The following PRH1 variants were observed in gnomAD, a reference collection of about 807,000 sequenced individuals.
The protein encoded by PRH1 is salivary acidic proline-rich phosphoprotein 1/2.
In PRH1, 7 loss-of-function variants were observed where a neutral mutation model predicts 7.9. The ratio of observed to expected loss-of-function variants is 0.89; its 90% confidence interval spans 0.50 to 1.67. The LOEUF (loss-of-function observed/expected upper bound fraction) is 1.67, where lower values mean the gene tolerates loss of function less well. Among genes scored for constraint, PRH1 ranks in the 40% most tolerant of loss-of-function variants. The pLI is 0.00. For missense variants in PRH1, 109 were observed against 223.6 expected, an observed-to-expected ratio of 0.49 and a Z score of 3.27; for synonymous variants, 45 against 80.8, an observed-to-expected ratio of 0.56 and a Z score of 2.38.
intron 1 of PRH1, among the ~76,000 whole-genome samples, chr12:11,148,493 G>A (rs866782928): frequency 8.0e-4 from 116 of 144,732 alleles, no homozygotes; most frequent in Non-Finnish European, 1.3e-3. Flanking sequence ...AGTTTTTAGC[G>A]TGAAGGTTGT....
intron 1 of PRH1, among the ~76,000 whole-genome samples, chr12:11,011,207 C>G (rs570066017): frequency 1.3e-5 from 2 of 152,136 alleles, no homozygotes; most frequent in South Asian, 4.1e-4. Flanking sequence ...CGTATTATCA[C>G]TGGACAAGAT....
At chr12:11,113,804 C>T (rs984928076) in intron 1 of PRH1, among the ~76,000 whole-genome samples, 2 of 151,564 alleles carry the variant, frequency 1.3e-5, no homozygotes, top group Non-Finnish European at 3.0e-5. Flanking sequence ...AAAATTTTTG[C>T]AATCTATTAA....
chr12:10,957,421 G>T (rs1565498914), intron 2 of PRH1, among the ~76,000 whole-genome samples: 2 of 152,062 alleles, frequency 1.3e-5, no homozygotes, highest in South Asian at 4.1e-4. Flanking sequence ...TGCAAGCTGG[G>T]TTAAATAATA....
chr12:11,070,753 T>C (rs1448431319), intron 1 of PRH1, among the ~76,000 whole-genome samples: 1 of 151,600 alleles, frequency 6.6e-6, no homozygotes, highest in Non-Finnish European at 1.5e-5. Context: ...ACACTAATTA[T>C]CTAGGTACCC....
chr12:11,040,583 A>T (rs1405929866), intron 1 of PRH1, among the ~76,000 whole-genome samples: 1 of 152,174 alleles, frequency 6.6e-6, no homozygotes, highest in Non-Finnish European at 1.5e-5. Flanking sequence ...GGAGCTAGGG[A>T]TAGCATTAGG....
intron 1 of PRH1, among the ~76,000 whole-genome samples, chr12:11,041,052 T>G (rs1179875439): frequency 6.6e-6 from 1 of 151,630 alleles, no homozygotes; most frequent in Admixed American, 6.6e-5. Context: ...AATAGCAGAC[T>G]ACAACATAAC....
chr12:10,981,575 A>T (rs1440658286), intron 1 of PRH1, among the ~76,000 whole-genome samples: 1 of 151,990 alleles, frequency 6.6e-6, no homozygotes, highest in Non-Finnish European at 1.5e-5. Flanking sequence ...GGGTTTCACC[A>T]TGTTGGCCAG....
At chr12:11,018,474 T>C (rs6488339) in intron 1 of PRH1, among the ~76,000 whole-genome samples, 149,390 of 152,286 alleles carry the variant, frequency 0.98, 73,323 homozygotes, top group Middle Eastern at 1. Flanking sequence ...TTGCCTGATC[T>C]AGATCATCCT....
At chr12:11,068,694 T>A (rs1389067429) in intron 1 of PRH1, among the ~76,000 whole-genome samples, 1 of 152,224 alleles carries the variant, frequency 6.6e-6, no homozygotes, top group Non-Finnish European at 1.5e-5. Flanking sequence ...ATAAGTGGGT[T>A]AATCAACCAT....
intron 1 of PRH1, among the ~76,000 whole-genome samples, chr12:11,149,162 T>C (rs1198943079): frequency 6.6e-6 from 1 of 152,102 alleles, no homozygotes; most frequent in Admixed American, 6.5e-5. Context: ...TTGTGTCTAT[T>C]TGATTCTTCT....
intron 1 of PRH1, among the ~76,000 whole-genome samples, chr12:11,127,198 T>C (rs532741556): frequency 6.6e-6 from 1 of 152,412 alleles, no homozygotes; most frequent in Non-Finnish European, 1.5e-5. Flanking sequence ...AAATACTATA[T>C]GCTTGTTATA....
chr12:10,896,437 C>A (rs1949645580), intron 2 of PRH1, among the ~76,000 whole-genome samples: 1 of 152,066 alleles, frequency 6.6e-6, no homozygotes, highest in Non-Finnish European at 1.5e-5. Flanking sequence ...GAAAACTGCT[C>A]TCTGATATAA....
intron 1 of PRH1, among the ~76,000 whole-genome samples, chr12:11,149,812 G>C (rs1947004591): frequency 7.4e-6 from 1 of 134,712 alleles, no homozygotes; most frequent in Admixed American, 7.6e-5. Flanking sequence ...AGACAAAATT[G>C]ACAAATGGGA....
chr12:11,021,609 T>C (rs1941631705), intron 1 of PRH1: 1 of 1,379,452 alleles, frequency 7.2e-7, no homozygotes, highest in Admixed American at 2.1e-5. Flanking sequence ...GTTTGTTTTC[T>C]GCTAGAAGAC....
chr12:10,906,576 G>T (rs573976233), intron 2 of PRH1, among the ~76,000 whole-genome samples: 1 of 152,326 alleles, frequency 6.6e-6, no homozygotes, highest in Admixed American at 6.5e-5. Flanking sequence ...GAGGGACTCA[G>T]TGGGAGATAA....
intron 1 of PRH1, among the ~76,000 whole-genome samples, chr12:11,025,446 A>AACACATG (rs150459794): frequency 3.5e-5 from 5 of 143,298 alleles, no homozygotes; most frequent in Admixed American, 7.0e-5. Context: ...AGTTCTTTTC[A>AACACATG]ACATACTCTA....
intron 1 of PRH1, among the ~76,000 whole-genome samples, chr12:10,975,663 T>C (rs1826663830): frequency 6.6e-6 from 1 of 151,566 alleles, no homozygotes; most frequent in Admixed American, 6.6e-5. Context: ...TGGTATGCTG[T>C]CCTTAAGAGA....
intron 1 of PRH1, among the ~76,000 whole-genome samples, chr12:11,027,669 T>C (rs12318432): frequency 0.22 from 32,302 of 149,048 alleles, 4,037 homozygotes; most frequent in Non-Finnish European, 0.28. Flanking sequence ...ACAGAAGATA[T>C]AGACTCTGCT....
chr12:11,144,322 G>A (rs1946801205), intron 1 of PRH1, among the ~76,000 whole-genome samples: 1 of 152,092 alleles, frequency 6.6e-6, no homozygotes, highest in African/African-American at 2.4e-5. Context: ...GTACCTGGGA[G>A]GATTATGGCT....
Sources: allele counts gnomAD v4.1 joint callset (sites outside exome capture counted in the v4.1 genomes callset), GRCh38; gene constraint gnomAD v4.1.1; transcripts MANE v1.5; gene names NCBI Gene and HGNC (gene_info 2026-07-23, HGNC 2026-07-21).